ADGRB3: variants seen among roughly 807,000 people sequenced by gnomAD.
ADGRB3 encodes the protein brain-specific angiogenesis inhibitor 3.
A neutral mutation model predicts 193.4 loss-of-function variants in ADGRB3; 37 were observed. The ratio of observed to expected loss-of-function variants is 0.19; its 90% CI spans 0.15 to 0.25. The LOEUF is 0.25. Among genes scored for constraint, ADGRB3 ranks in the 10% least tolerant of loss-of-function variants. The pLI is 1.00. For missense variants in ADGRB3, 1,637 were observed against 1,852.9 expected (o/e 0.88, Z 2.14); for synonymous variants, 690 against 644.2 (o/e 1.07, Z -1.08).
intron 28 of ADGRB3, 54 bp from the exon 29 acceptor site, chr6:69,360,815 G>A: frequency 6.8e-7 from 1 of 1,478,714 alleles, no homozygotes; most frequent in South Asian, 1.4e-5. Flanking sequence ...ATATAATAAT[G>A]AAAAATAAAC....
chr6:69,000,334 G>C (rs1002048438), intron 11 of ADGRB3, among the ~76,000 whole-genome samples: 1 of 152,164 alleles, frequency 6.6e-6, no homozygotes, highest in Non-Finnish European at 1.5e-5. Context: ...TGAGAATCTG[G>C]TCACAACATT....
intron 3 of ADGRB3, among the ~76,000 whole-genome samples, chr6:68,883,684 C>G (rs1475061787): frequency 6.6e-6 from 1 of 152,050 alleles, no homozygotes; most frequent in Admixed American, 6.6e-5. Context: ...CTGAAGCCAG[C>G]GAGACCACGA....
At chr6:69,207,302 C>G (rs1011353833) in intron 17 of ADGRB3, among the ~76,000 whole-genome samples, 7 of 152,154 alleles carry the variant, frequency 4.6e-5, no homozygotes, top group Admixed American at 4.6e-4. Flanking sequence ...ACTTCCATCC[C>G]TTGATTCTGG....
chr6:69,375,599 G>A (rs1582665635), intron 30 of ADGRB3, among the ~76,000 whole-genome samples: 1 of 152,200 alleles, frequency 6.6e-6, no homozygotes, highest in Admixed American at 6.5e-5. Flanking sequence ...TTCCTAATGT[G>A]ATGTTAAAAC....
chr6:68,735,456 C>T (rs1321806123), intron 3 of ADGRB3, among the ~76,000 whole-genome samples: 1 of 151,820 alleles, frequency 6.6e-6, no homozygotes, highest in East Asian at 1.9e-4. Context: ...AAATCATTTA[C>T]AAATTAGAAA....
intron 3 of ADGRB3, among the ~76,000 whole-genome samples, chr6:68,866,635 A>G (rs1318382854): frequency 2.0e-5 from 3 of 152,200 alleles, no homozygotes; most frequent in East Asian, 3.9e-4. Flanking sequence ...AAAGTTTGGA[A>G]TTTCCTAGAG....
At chr6:68,989,871 A>G (rs1769182820) in intron 10 of ADGRB3, among the ~76,000 whole-genome samples, 1 of 152,158 alleles carries the variant, frequency 6.6e-6, no homozygotes, top group South Asian at 2.1e-4. Context: ...GAAGAGAACC[A>G]GGGAGAAAAC....
intron 17 of ADGRB3, among the ~76,000 whole-genome samples, chr6:69,225,786 T>G (rs544170596): frequency 7.9e-5 from 12 of 152,294 alleles, no homozygotes; most frequent in African/African-American, 2.9e-4. Flanking sequence ...ACCTTGGTAT[T>G]TAGTGTAAGA....
intron 31 of ADGRB3, among the ~76,000 whole-genome samples, chr6:69,385,890 G>C (rs970728036): frequency 6.6e-6 from 1 of 151,990 alleles, no homozygotes; most frequent in Non-Finnish European, 1.5e-5. Flanking sequence ...CACGCAGGAC[G>C]ATGAGTCGCT....
At chr6:68,764,159 G>A (rs1424185994) in intron 3 of ADGRB3, among the ~76,000 whole-genome samples, 4 of 152,126 alleles carry the variant, frequency 2.6e-5, no homozygotes, top group South Asian at 2.1e-4. Flanking sequence ...TCTCTCATGC[G>A]ATCTCGACCA....
chr6:68,719,389 T>G (rs931856361), intron 3 of ADGRB3, among the ~76,000 whole-genome samples: 1 of 151,796 alleles, frequency 6.6e-6, no homozygotes, highest in Non-Finnish European at 1.5e-5. Context: ...ATAAAGTTAG[T>G]TAAAATTTTG....
intron 3 of ADGRB3, among the ~76,000 whole-genome samples, chr6:68,896,133 G>A (rs1332548973): frequency 6.6e-6 from 1 of 152,088 alleles, no homozygotes; most frequent in African/African-American, 2.4e-5. Context: ...AGGAGGATAG[G>A]AATTTAGGTA....
At chr6:69,335,731 T>G (rs1415623824) in intron 24 of ADGRB3, among the ~76,000 whole-genome samples, 2 of 152,078 alleles carry the variant, frequency 1.3e-5, no homozygotes, top group Non-Finnish European at 2.9e-5. Flanking sequence ...ATTGGTCGAC[T>G]TGACAACCAA....
intron 3 of ADGRB3, among the ~76,000 whole-genome samples, chr6:68,890,688 A>G (rs1255572974): frequency 6.6e-6 from 1 of 152,210 alleles, no homozygotes; most frequent in Non-Finnish European, 1.5e-5. Flanking sequence ...TGTAAACTCA[A>G]AAAACAAATA....
intron 6 of ADGRB3, among the ~76,000 whole-genome samples, chr6:68,954,742 C>T (rs1170358385): frequency 6.7e-6 from 1 of 150,138 alleles, no homozygotes; most frequent in Non-Finnish European, 1.5e-5. Context: ...TGCAGTGACA[C>T]AATCTTGGCT....
intron 19 of ADGRB3, 28 bp downstream of exon 19, chr6:69,235,163 T>G: frequency 6.8e-7 from 1 of 1,477,690 alleles, no homozygotes; most frequent in Non-Finnish European, 9.4e-7. Flanking sequence ...AGACCTGAAA[T>G]GCAATGCTTA....
At chr6:68,685,310 G>T (rs1224183428) in intron 3 of ADGRB3, among the ~76,000 whole-genome samples, 1 of 152,062 alleles carries the variant, frequency 6.6e-6, no homozygotes, top group Non-Finnish European at 1.5e-5. Flanking sequence ...ATTGTATATT[G>T]TATCTCTGAA....
chr6:69,229,704 A>G (rs1205738841), intron 17 of ADGRB3, among the ~76,000 whole-genome samples: 1 of 152,164 alleles, frequency 6.6e-6, no homozygotes, highest in Non-Finnish European at 1.5e-5. Context: ...CAGTCTTTTT[A>G]CTAAATAGCT....
intron 8 of ADGRB3, among the ~76,000 whole-genome samples, chr6:68,958,642 T>C (rs1302873250): frequency 6.6e-6 from 1 of 152,106 alleles, no homozygotes; most frequent in Non-Finnish European, 1.5e-5. Context: ...CTGGCTTTCA[T>C]GACTTAAGGC....
Sources: gnomAD v4.1 joint callset for allele counts (sites outside exome capture counted in the v4.1 genomes callset) on GRCh38, gnomAD v4.1.1 for gene constraint, MANE v1.5 for transcripts, NCBI Gene and HGNC (gene_info 2026-07-23, HGNC 2026-07-21) for gene names.